Variants in NAV2 observed in about 807,000 individuals in gnomAD.
NAV2 encodes the protein helicase, APC down-regulated 1.
A neutral mutation model predicts 223.2 loss-of-function variants in NAV2; 54 were observed. The observed-to-expected ratio is 0.24, with a 90% confidence interval of 0.19 to 0.30. NAV2 has a LOEUF of 0.30. Ranked by LOEUF, NAV2 falls within the 10% of genes least tolerant of loss-of-function variation. The pLI is 1.00. For synonymous variants in NAV2, 1,279 were observed against 1,239.3 expected (o/e 1.03, Z -0.67); for missense variants, 2,806 against 3,147.5 (o/e 0.89, Z 2.60).
At chr11:20,113,381 G>T (rs1253561206) in intron 36 of NAV2, among the ~76,000 whole-genome samples, 3 of 152,164 alleles carry the variant, frequency 2.0e-5, no homozygotes, top group African/African-American at 7.2e-5. Flanking sequence ...TGTTGGGCCA[G>T]TCTAGGTTTC....
At position 19,949,705 on chromosome 11, in the gene NAV2, G is replaced by A. The variant is rs117577630; in HGVS notation, c.2645+625G>A. 8.4e-3 allele frequency among the ~76,000 whole-genome samples: 1,272 copies of A among 152,276 alleles called. 8 individuals carry two copies. The highest frequency in any genetic ancestry group is 0.013 in the Non-Finnish European group (893 of 68,026). ...CTCCTTTGGAAGATTATCACTATTCGAAATTAGCCTGATTATGTGTATATC... is the reference window on the plus strand; with the variant it reads ...CTCCTTTGGAAGATTATCACTATTCAAAATTAGCCTGATTATGTGTATATC... On this transcript the variant is annotated intron_variant, in intron 10 of 37. Coordinates refer to ENST00000349880, the MANE Select transcript of NAV2 (RefSeq NM_145117.5).
intron 1 of NAV2, among the ~76,000 whole-genome samples, chr11:19,737,220 G>C (rs1027655389): frequency 1.2e-4 from 19 of 152,200 alleles, no homozygotes; most frequent in Non-Finnish European, 1.0e-4. Context: ...GTCAATCCCA[G>C]CCACTGGAAA....
chr11:19,471,010 G>A (rs2041947828), intron 1 of NAV2, among the ~76,000 whole-genome samples: 1 of 152,168 alleles, frequency 6.6e-6, no homozygotes, highest in Admixed American at 6.5e-5. Context: ...GGGGCAAAGA[G>A]ATAAAATCAA....
intron 8 of NAV2, among the ~76,000 whole-genome samples, chr11:19,945,083 C>G (rs115598334): frequency 0.021 from 2,568 of 121,864 alleles, 72 homozygotes; most frequent in African/African-American, 0.07. Context: ...CTTTTCTTTT[C>G]TCTTTTCTTC....
chr11:19,944,526 C>T (rs957448331), intron 8 of NAV2, among the ~76,000 whole-genome samples: 3 of 148,726 alleles, frequency 2.0e-5, no homozygotes, highest in Non-Finnish European at 4.5e-5. Flanking sequence ...CTTTCCTTTC[C>T]CTTCCTTTCC....
Position 20,050,239 on chromosome 11 carries a change from GC to G in NAV2, c.4436+340del, listed in dbSNP as rs1254169900. The stretch of plus-strand genomic sequence containing the variant: ...TTTCAGCTTCCTTCCCATTCCTTTT[GC>G]CACCCCCAACCCCAAGCCCAGAAAT... On this transcript the variant is annotated intron_variant, in intron 16 of 37. Coordinates refer to ENST00000349880, the MANE Select transcript of NAV2 (RefSeq NM_145117.5). 3.9e-5 allele frequency among the ~76,000 whole-genome samples: 6 copies of G among 152,086 alleles called. No individual in the cohort carries two copies. The South Asian group carries it at 1.2e-3, about 32-fold the overall frequency.
chr11:19,934,671 AAAAT>A lies in NAV2; in HGVS notation c.2033+402_2033+405del, dbSNP rs376247614. Among the ~76,000 whole-genome samples the A allele has an allele frequency of 9.2e-5, 14 of 152,216 alleles. No homozygotes were observed. The East Asian group carries it at 1.7e-3, about 19-fold the overall frequency. On this transcript the variant is annotated intron_variant, in intron 7 of 37. Transcript: ENST00000349880. ...TCCTAACACATCCCAACATACTTAA[AAAAT>A]AAATAAAATAATAAACACCTGGCTC...
At chr11:19,690,871 GC>G (rs2049153093) in intron 1 of NAV2, among the ~76,000 whole-genome samples, 1 of 152,186 alleles carries the variant, frequency 6.6e-6, no homozygotes, top group Non-Finnish European at 1.5e-5. Context: ...CAATTTCAAG[GC>G]AGAGCCAGAA....
chr11:19,909,473 A>G (rs556171705), intron 6 of NAV2, among the ~76,000 whole-genome samples: 2 of 152,240 alleles, frequency 1.3e-5, no homozygotes, highest in Non-Finnish European at 2.9e-5. Flanking sequence ...CCTCTGATCC[A>G]GATAAAAACA....
chr11:19,785,624 G>A (rs1412935350), intron 1 of NAV2, among the ~76,000 whole-genome samples: 1 of 149,774 alleles, frequency 6.7e-6, no homozygotes, highest in Admixed American at 6.6e-5. Context: ...AATTAAATAA[G>A]ATGAGTTTAT....
chr11:20,050,068 T>C (rs2057828182), intron 16 of NAV2, among the ~76,000 whole-genome samples, 167 bp downstream of exon 16: 1 of 152,210 alleles, frequency 6.6e-6, no homozygotes, highest in Non-Finnish European at 1.5e-5. Context: ...TCTGTTCCTC[T>C]GTCTGCTAAA....
At chr11:19,907,823 C>G (rs768248918) in intron 6 of NAV2, among the ~76,000 whole-genome samples, 5 of 152,188 alleles carry the variant, frequency 3.3e-5, no homozygotes, top group Non-Finnish European at 7.3e-5. Context: ...TTTTTATCAT[C>G]CCTCAGTCTG....
chr11:19,996,895 G>A (rs2051949957), intron 11 of NAV2, among the ~76,000 whole-genome samples: 1 of 152,152 alleles, frequency 6.6e-6, no homozygotes, highest in Non-Finnish European at 1.5e-5. Flanking sequence ...ATTAAATGGG[G>A]ACAGAGGGAA....
chr11:19,968,311 C>G (rs944350585), intron 10 of NAV2, among the ~76,000 whole-genome samples: 1 of 152,150 alleles, frequency 6.6e-6, no homozygotes, highest in Non-Finnish European at 1.5e-5. Flanking sequence ...CCTGGATTCT[C>G]CGCTTCCTGA....
chr11:19,513,258 T>C (rs1013670880), intron 1 of NAV2, among the ~76,000 whole-genome samples: 3 of 152,220 alleles, frequency 2.0e-5, no homozygotes, highest in Non-Finnish European at 4.4e-5. Flanking sequence ...GGGGTGTTAT[T>C]CTCAACCAGA....
At chr11:20,070,580 T>C (rs2059337592) in intron 22 of NAV2, among the ~76,000 whole-genome samples, 2 of 152,174 alleles carry the variant, frequency 1.3e-5, no homozygotes, top group South Asian at 4.1e-4. Context: ...AAAGTAAATA[T>C]TTAGTCTTAC....
chr11:19,541,035 T>G (rs185239476), intron 1 of NAV2, among the ~76,000 whole-genome samples: 1 of 152,360 alleles, frequency 6.6e-6, no homozygotes, highest in African/African-American at 2.4e-5. Context: ...GTTGCTTAAC[T>G]TGGTACTTCT....
At chr11:19,888,731 A>G (rs999971659) in intron 5 of NAV2, among the ~76,000 whole-genome samples, 4 of 151,892 alleles carry the variant, frequency 2.6e-5, no homozygotes, top group South Asian at 4.2e-4. Flanking sequence ...AGCACACACC[A>G]GCTCTTTCTT....
At chr11:19,623,591 C>G (rs545497200) in intron 1 of NAV2, among the ~76,000 whole-genome samples, 1 of 152,308 alleles carries the variant, frequency 6.6e-6, no homozygotes, top group African/African-American at 2.4e-5. Flanking sequence ...TCACATAGTT[C>G]TCATGCCATG....
Sources: gnomAD v4.1 joint callset for allele counts (sites outside exome capture counted in the v4.1 genomes callset) on GRCh38, gnomAD v4.1.1 for gene constraint, MANE v1.5 for transcripts, NCBI Gene and HGNC (gene_info 2026-07-23, HGNC 2026-07-21) for gene names.